TGFBR3: variants seen among roughly 807,000 people sequenced by gnomAD.
The protein encoded by TGFBR3 is transforming growth factor beta receptor 3.
TGFBR3 carries 46 observed loss-of-function variants against 87.9 expected under a neutral mutation model. The observed-to-expected ratio is 0.52, with a 90% CI of 0.41 to 0.67. TGFBR3 has a LOEUF of 0.67. TGFBR3 is among the 30% of genes least tolerant of loss of function. TGFBR3 has a pLI of 0.00. For missense variants in TGFBR3, 866 were observed against 1,041.9 expected, an observed-to-expected ratio of 0.83 and a Z score of 2.32; for synonymous variants, 381 against 391.6, an observed-to-expected ratio of 0.97 and a Z score of 0.32.
chr1:91,793,232 G>T (rs1156941363), intron 3 of TGFBR3, among the ~76,000 whole-genome samples: 1 of 152,172 alleles, frequency 6.6e-6, no homozygotes, highest in African/African-American at 2.4e-5. Flanking sequence ...CTCCCCAGCT[G>T]AAGAACTTTA....
In TGFBR3 at chr1:91,805,385, G is replaced by A. The variant is rs995673973; in HGVS notation, c.62-7914C>T. ...TGATCTCAAAATCTTGCCGGGTGTC[G>A]TGTCTTGTTTGAACTGAAGTCAGGC... On this transcript the variant is annotated intron_variant, in intron 2 of 16. Transcript: ENST00000212355. Among the ~76,000 whole-genome samples, 68 of 152,176 alleles carry A rather than the reference G, an allele frequency of 4.5e-4. 1 individual carries two copies. Among genetic ancestry groups the A allele is most frequent in the African/African-American group, 1.4e-3 (60 of 41,440 alleles).
intron 3 of TGFBR3, among the ~76,000 whole-genome samples, chr1:91,777,006 C>A (rs1042479367): frequency 4.6e-5 from 7 of 152,198 alleles, no homozygotes; most frequent in African/African-American, 1.7e-4. Context: ...CCCAACACCA[C>A]ATCTACTCTG....
intron 16 of TGFBR3, among the ~76,000 whole-genome samples, chr1:91,692,878 C>T (rs1246459288): frequency 1.3e-5 from 2 of 152,150 alleles, no homozygotes; most frequent in African/African-American, 4.8e-5. Context: ...GAATGGAAAG[C>T]GTAAACAAAG....
chr1:91,741,453 C>A (rs919545142), intron 4 of TGFBR3, among the ~76,000 whole-genome samples: 1 of 152,112 alleles, frequency 6.6e-6, no homozygotes, highest in Non-Finnish European at 1.5e-5. Context: ...CCCCACAGAT[C>A]AGGGATTTCT....
intron 4 of TGFBR3, among the ~76,000 whole-genome samples, chr1:91,741,106 T>C (rs951587218): frequency 6.6e-6 from 1 of 152,212 alleles, no homozygotes; most frequent in Non-Finnish European, 1.5e-5. Context: ...TCTGATACCA[T>C]CTACCTGGAG....
intron 15 of TGFBR3, 30 bp from the exon 16 acceptor site, chr1:91,695,809 C>G (rs1671419183): frequency 6.3e-7 from 1 of 1,590,476 alleles, no homozygotes; most frequent in African/African-American, 1.3e-5. Flanking sequence ...ATACACACAA[C>G]TTTTTGGTTA....
intron 2 of TGFBR3, among the ~76,000 whole-genome samples, chr1:91,818,775 T>C (rs980865463): frequency 4.6e-5 from 7 of 152,152 alleles, no homozygotes; most frequent in Non-Finnish European, 8.8e-5. Flanking sequence ...TGAGCACACA[T>C]GTGTTAAAAT....
intron 2 of TGFBR3, among the ~76,000 whole-genome samples, chr1:91,861,032 AC>A (rs1480992189): frequency 6.6e-6 from 1 of 151,420 alleles, no homozygotes; most frequent in Non-Finnish European, 1.5e-5. Context: ...CAAGAGTGTC[AC>A]CTCAATCTAG....
chr1:91,763,920 C>T (rs1295978376), intron 3 of TGFBR3, among the ~76,000 whole-genome samples: 1 of 152,204 alleles, frequency 6.6e-6, no homozygotes, highest in Non-Finnish European at 1.5e-5. Context: ...GCTTGTCCTT[C>T]ACCATTTGGG....
intron 3 of TGFBR3, among the ~76,000 whole-genome samples, chr1:91,782,981 G>A (rs918405311): frequency 6.6e-6 from 1 of 152,066 alleles, no homozygotes; most frequent in Non-Finnish European, 1.5e-5. Context: ...CCACATCACC[G>A]ACTTGCTGGA....
chr1:91,787,623 AGCCACCT>A (rs1429749574), intron 3 of TGFBR3, among the ~76,000 whole-genome samples: 1 of 152,212 alleles, frequency 6.6e-6, no homozygotes, highest in Non-Finnish European at 1.5e-5. Context: ...AGACCAGACA[AGCCACCT>A]CAGGGAGAGG....
At chr1:91,704,859 A>G (rs1671742645) in intron 14 of TGFBR3, among the ~76,000 whole-genome samples, 1 of 152,228 alleles carries the variant, frequency 6.6e-6, no homozygotes, top group Non-Finnish European at 1.5e-5. Context: ...TTGATTGCCT[A>G]CTTTCCTGTC....
intron 4 of TGFBR3, among the ~76,000 whole-genome samples, chr1:91,740,129 G>A (rs1051122625): frequency 7.2e-5 from 11 of 152,198 alleles, no homozygotes; most frequent in Middle Eastern, 3.4e-3. Flanking sequence ...GTGCGATCTC[G>A]GCTCACTGCA....
At chr1:91,886,297 T>TCCTCCCG (rs778643634), upstream of TGFBR3, 92 of 394,360 alleles carry the variant, frequency 2.3e-4, no homozygotes, top group Middle Eastern at 8.7e-4. Context: ...CAGAAACTCC[T>TCCTCCCG]CCTCCCGCCT....
intron 1 of TGFBR3, among the ~76,000 whole-genome samples, chr1:91,876,406 G>GCTT (rs1237486394): frequency 6.6e-6 from 1 of 152,148 alleles, no homozygotes; most frequent in Non-Finnish European, 1.5e-5. Context: ...AAGGCTAGTT[G>GCTT]CTTCTGACAA....
rs531853322 is a variant in TGFBR3, at chr1:91,891,774, TATC to T, written c.-114+7860_-114+7862del. Among the ~76,000 whole-genome samples, 52 of 152,296 alleles carry T rather than the reference TATC, an allele frequency of 3.4e-4. 1 individual carries two copies. In the South Asian group the frequency reaches 7.5e-3, roughly 22 times the overall value. Reference sequence around the variant, plus strand: ...CTTATTTTCTGCTCTGTTAACCTATTATCACAGACAGATTTACTACTTTATTTT... The same window carrying T: ...CTTATTTTCTGCTCTGTTAACCTATTACAGACAGATTTACTACTTTATTTT... On this transcript the variant is annotated intron_variant, in intron 2 of 17. Transcript: ENST00000370399.
At chr1:91,707,662 G>A (rs1671839391) in intron 14 of TGFBR3, among the ~76,000 whole-genome samples, 1 of 152,210 alleles carries the variant, frequency 6.6e-6, no homozygotes, top group Non-Finnish European at 1.5e-5. Context: ...AGTGGCGAGA[G>A]GCAGCCTGTA....
chr1:91,844,264 C>T (rs1466452853), intron 2 of TGFBR3, among the ~76,000 whole-genome samples: 3 of 152,224 alleles, frequency 2.0e-5, no homozygotes, highest in African/African-American at 7.2e-5. Flanking sequence ...CCTGAGCTCA[C>T]TCTCCAGGAA....
intron 14 of TGFBR3, among the ~76,000 whole-genome samples, chr1:91,701,165 AC>A (rs1450028992): frequency 1.3e-5 from 2 of 151,988 alleles, no homozygotes; most frequent in African/African-American, 4.8e-5. Flanking sequence ...CTAATCCTTT[AC>A]CCCCACCCCA....
Sources: allele counts gnomAD v4.1 joint callset (sites outside exome capture counted in the v4.1 genomes callset), GRCh38; gene constraint gnomAD v4.1.1; transcripts MANE v1.5; gene names NCBI Gene and HGNC (gene_info 2026-07-23, HGNC 2026-07-21).